The following TMEM71 variants were observed in gnomAD, a reference collection of about 807,000 sequenced individuals.
TMEM71 encodes transmembrane protein 71.
TMEM71 carries 44 observed loss-of-function variants against 38.0 expected under a neutral mutation model. That is an observed-to-expected ratio of 1.16 (90% CI 0.91 to 1.49). The LOEUF (loss-of-function observed/expected upper bound fraction) is 1.49, where lower values mean the gene tolerates loss of function less well. Ranked by LOEUF, TMEM71 falls within the 40% of genes most tolerant of loss-of-function variation. TMEM71 has a pLI of 0.00. For missense variants in TMEM71, 367 were observed against 348.6 expected (o/e 1.05, Z -0.42); for synonymous variants, 133 against 122.5 (o/e 1.09, Z -0.56).
chr8:132,743,488 C>T (rs1395317859), intron 5 of TMEM71, among the ~76,000 whole-genome samples: 7 of 152,196 alleles, frequency 4.6e-5, no homozygotes, highest in Admixed American at 1.3e-4. Flanking sequence ...AATTTCATTA[C>T]ACAGCACTCT....
the TMEM71 span, among the ~76,000 whole-genome samples, chr8:132,767,229 T>G: frequency 1.3e-5 from 2 of 152,226 alleles, no homozygotes. Context: ...CTCTGAAGAT[T>G]AGAGAATATG....
chr8:132,755,881 A>G (rs1046751449), intron 3 of TMEM71, among the ~76,000 whole-genome samples: 2 of 152,178 alleles, frequency 1.3e-5, no homozygotes, highest in African/African-American at 4.8e-5. Context: ...GCAGGAAAAA[A>G]TGATTTACAA....
chr8:132,719,660 C>T (rs767345025), intron 7 of TMEM71, among the ~76,000 whole-genome samples: 17 of 152,192 alleles, frequency 1.1e-4, no homozygotes, highest in Non-Finnish European at 1.9e-4. Flanking sequence ...CACGTCTATA[C>T]AGTTTTAGTC....
At chr8:132,762,515 C>A (rs775422670), upstream of TMEM71, among the ~76,000 whole-genome samples, 7 of 151,852 alleles carry the variant, frequency 4.6e-5, no homozygotes, top group African/African-American at 9.7e-5. Context: ...CATATTAGAA[C>A]CTTATTATTA....
intron 5 of TMEM71, among the ~76,000 whole-genome samples, chr8:132,734,183 C>T (rs1323177136): frequency 6.6e-6 from 1 of 151,978 alleles, no homozygotes; most frequent in Non-Finnish European, 1.5e-5. Flanking sequence ...CACGCATACA[C>T]ATACACACAC....
chr8:132,708,890 G>T (rs1046650924), downstream of TMEM71, among the ~76,000 whole-genome samples: 1 of 152,044 alleles, frequency 6.6e-6, no homozygotes, highest in Non-Finnish European at 1.5e-5. Context: ...GCCAGGGAAT[G>T]CAAGCAGTCT....
rs1199250949 is a variant in TMEM71, at chr8:132,752,117, C to T, written c.102-120G>A. 1.3e-5 allele frequency: 10 copies of T among 795,058 alleles called. No homozygotes were observed. The Admixed American group carries it at 2.0e-4, about 16-fold the overall frequency. The allele number at this position is 795,058 out of a possible 1,614,324, so 49.3% of individuals were successfully genotyped here. ...TTGCATCCATGACTGTCAATTACTT[C>T]TGCAACCATTAGGAATGTCACTCTT... is the stretch of plus-strand genomic sequence containing the variant. On this transcript the variant is annotated intron_variant, in intron 3 of 9. Coordinates refer to ENST00000677595, the MANE Select transcript of TMEM71 (RefSeq NM_001382403.1).
intron 5 of TMEM71, among the ~76,000 whole-genome samples, chr8:132,730,853 G>C (rs1827415781): frequency 6.6e-6 from 1 of 152,124 alleles, no homozygotes; most frequent in South Asian, 2.1e-4. Context: ...TGTCCCAAAA[G>C]AAGTTGAAAT....
At chr8:132,753,494 C>T (rs919160230) in intron 3 of TMEM71, among the ~76,000 whole-genome samples, 1 of 152,140 alleles carries the variant, frequency 6.6e-6, no homozygotes. Flanking sequence ...ATGTCTGCAG[C>T]CCCACCAAAT....
the TMEM71 span, among the ~76,000 whole-genome samples, chr8:132,771,042 A>G: frequency 1.3e-5 from 2 of 152,252 alleles, no homozygotes; most frequent in Non-Finnish European, 2.9e-5. Context: ...GGAGAGGTGC[A>G]AAGTATCACA....
chr8:132,772,741 CAT>C, the TMEM71 span, among the ~76,000 whole-genome samples: 1 of 152,124 alleles, frequency 6.6e-6, no homozygotes, highest in Admixed American at 6.5e-5. Context: ...TCATAAAAAT[CAT>C]ATATATTTCA....
chr8:132,768,168 C>G, the TMEM71 span, among the ~76,000 whole-genome samples: 3 of 152,116 alleles, frequency 2.0e-5, no homozygotes, highest in Non-Finnish European at 4.4e-5. Context: ...TAGTTCATGT[C>G]CAGGTAGTGA....
chr8:132,757,591 C>T (rs766727856), intron 2 of TMEM71, among the ~76,000 whole-genome samples: 7 of 151,894 alleles, frequency 4.6e-5, no homozygotes, highest in South Asian at 2.1e-4. Flanking sequence ...TTTGGGAGAC[C>T]GAGGCGGGCG....
In TMEM71 at chr8:132,710,134, A is replaced by G. The variant is rs1826165370; in HGVS notation, c.*833T>C. On this transcript the variant is annotated 3_prime_UTR_variant, in exon 10 of 10. Coordinates refer to ENST00000677595, the MANE Select transcript of TMEM71 (RefSeq NM_001382403.1). ...TACAGGCCATATTTGCTTTGTGAAC[A>G]CGCACCAAGTGTGGGGGGTGGAAAG... The G allele has an allele frequency of 1.3e-5, 2 of 152,160 alleles. No homozygotes were observed. Among genetic ancestry groups the G allele is most frequent in the Admixed American group, 1.3e-4 (2 of 15,282 alleles). The allele number at this position is 152,160 out of a possible 1,614,324, so 9.4% of individuals were successfully genotyped here. A position where few individuals can be genotyped will look rare whatever the true frequency, so the allele number is the denominator to read the frequency against.
At chr8:132,737,441 G>A (rs1349428118) in intron 5 of TMEM71, among the ~76,000 whole-genome samples, 2 of 152,142 alleles carry the variant, frequency 1.3e-5, no homozygotes, top group African/African-American at 4.8e-5. Context: ...TCATTAGCCA[G>A]TTCTTCATAT....
chr8:132,708,146 A>G (rs1442918192), downstream of TMEM71, among the ~76,000 whole-genome samples: 1 of 152,216 alleles, frequency 6.6e-6, no homozygotes, highest in Non-Finnish European at 1.5e-5. Context: ...CTTTATAACA[A>G]TATTGCCCGC....
the TMEM71 span, among the ~76,000 whole-genome samples, chr8:132,772,265 C>G: frequency 3.3e-5 from 5 of 152,058 alleles, no homozygotes; most frequent in East Asian, 9.6e-4. Context: ...GAATTTAGTT[C>G]AGTGATTTCT....
chr8:132,711,681 A>G (rs1238900573), intron 9 of TMEM71, among the ~76,000 whole-genome samples: 1 of 152,188 alleles, frequency 6.6e-6, no homozygotes. Context: ...GGTGGACAAG[A>G]CAGATAGTCC....
chr8:132,755,128 G>C (rs1297213756), intron 3 of TMEM71, among the ~76,000 whole-genome samples: 1 of 152,118 alleles, frequency 6.6e-6, no homozygotes, highest in Non-Finnish European at 1.5e-5. Flanking sequence ...CAGAGTTCTG[G>C]ACCTGTATTT....
Sources: gnomAD v4.1 joint callset for allele counts (sites outside exome capture counted in the v4.1 genomes callset) on GRCh38, gnomAD v4.1.1 for gene constraint, MANE v1.5 for transcripts, NCBI Gene and HGNC (gene_info 2026-07-23, HGNC 2026-07-21) for gene names.